NRG1: variants seen among roughly 807,000 people sequenced by gnomAD.
NRG1 encodes the protein neuregulin 1.
A neutral mutation model predicts 63.8 loss-of-function variants in NRG1; 18 were observed. The ratio of observed to expected loss-of-function variants is 0.28; its 90% confidence interval spans 0.19 to 0.42. The LOEUF (loss-of-function observed/expected upper bound fraction) is 0.42, where lower values mean the gene tolerates loss of function less well. Among genes scored for constraint, NRG1 ranks in the 10% least tolerant of loss-of-function variants. The probability of loss-of-function intolerance (pLI) is 1.00; values close to 1 mark genes in which losing one functional copy is unlikely to be tolerated. For missense variants in NRG1, 762 were observed against 814.7 expected (o/e 0.94, Z 0.79); for synonymous variants, 302 against 301.3 (o/e 1.00, Z -0.02).
rs113866439 is a variant in NRG1, at chr8:32,335,843, C to G, written c.38-259985C>G. 1.3e-3 allele frequency among the ~76,000 whole-genome samples: 199 copies of G among 152,204 alleles called. 2 individuals are homozygous for G. Among genetic ancestry groups the G allele is most frequent in the African/African-American group, 4.6e-3 (191 of 41,524 alleles). ...TGTGCTGAGAGGGTCTTGGGTCTCA[C>G]AAAGCAACACACACAGCCAGGTCAT... is the stretch of plus-strand genomic sequence containing the variant. On this transcript the variant is annotated intron_variant, in intron 1 of 10. Transcript: ENST00000519301.
rs140123796 is a variant in NRG1 at position 32,217,890 on chromosome 8, A to G, written c.38-377938A>G. Among the ~76,000 whole-genome samples, 409 of 152,306 alleles carry G rather than the reference A, an allele frequency of 2.7e-3. 4 individuals are homozygous for G. The highest frequency in any genetic ancestry group is 9.5e-3 in the African/African-American group (393 of 41,574). On this transcript the variant is annotated intron_variant, in intron 1 of 10. Coordinates refer to the NRG1 transcript ENST00000519301. ...AGGCTCTGAACTAAGTCTAAAACAG[A>G]TGATCCCTGCCCTTCCAGCTCCCTG... is the stretch of plus-strand genomic sequence containing the variant.
intron 1 of NRG1, among the ~76,000 whole-genome samples, chr8:32,412,443 T>TATATACAC (rs1815188513): frequency 1.8e-5 from 1 of 54,514 alleles, no homozygotes; most frequent in African/African-American, 5.1e-5. Context: ...TATATATATA[T>TATATACAC]ATATATATAC....
At chr8:32,136,748 A>G (rs1190783028) in intron 1 of NRG1, 3 of 152,194 alleles carry the variant, frequency 2.0e-5, no homozygotes, top group African/African-American at 7.2e-5. Context: ...TAAAGTGCCG[A>G]TAGGTAAGCC....
rs11990530 is a variant in NRG1 at position 31,920,482 on chromosome 8, G to T, written c.37+281051G>T. Among the ~76,000 whole-genome samples, 308 of 152,176 alleles carry T rather than the reference G, an allele frequency of 2.0e-3. 2 individuals carry two copies. In the Middle Eastern group the frequency reaches 0.027, roughly 14 times the overall value. On this transcript the variant is annotated intron_variant, in intron 1 of 10. Coordinates refer to the NRG1 transcript ENST00000519301. ...AAAACACATTGAGTTGTCTGGCATG[G>T]TTTCATTGCCAAAAGTTGTGATGTG...
At chr8:31,705,997 A>G (rs1811112877) in intron 1 of NRG1, among the ~76,000 whole-genome samples, 1 of 152,240 alleles carries the variant, frequency 6.6e-6, no homozygotes, top group African/African-American at 2.4e-5. Context: ...AAAATATCTT[A>G]CATCTTCTCA....
chr8:32,701,294 T>C (rs1019795835), intron 5 of NRG1, among the ~76,000 whole-genome samples: 1 of 152,230 alleles, frequency 6.6e-6, no homozygotes, highest in Non-Finnish European at 1.5e-5. Context: ...TCAGACATCT[T>C]TTGCTTCTGA....
chr8:32,652,851 C>T (rs1855426858), intron 5 of NRG1, among the ~76,000 whole-genome samples: 1 of 152,054 alleles, frequency 6.6e-6, no homozygotes, highest in African/African-American at 2.4e-5. Context: ...CATCTGTGTT[C>T]TTCCTCCTTC....
chr8:32,410,564 G>C (rs1372431704), intron 1 of NRG1, among the ~76,000 whole-genome samples: 1 of 152,272 alleles, frequency 6.6e-6, no homozygotes, highest in East Asian at 1.9e-4. Context: ...TCTTAGAAAG[G>C]TGCATGATTC....
At chr8:32,017,763 C>T (rs1344708674) in intron 1 of NRG1, among the ~76,000 whole-genome samples, 1 of 152,192 alleles carries the variant, frequency 6.6e-6, no homozygotes, top group African/African-American at 2.4e-5. Flanking sequence ...AGCTTCCCTC[C>T]TGGGCACACC....
chr8:32,191,168 T>C (rs1461451196), intron 1 of NRG1, among the ~76,000 whole-genome samples: 1 of 151,748 alleles, frequency 6.6e-6, no homozygotes, highest in African/African-American at 2.4e-5. Context: ...CACTGCAACC[T>C]CTGGCTCATG....
At position 32,645,944 on chromosome 8, in the gene NRG1, A is replaced by G. The variant is rs1175554734; in HGVS notation, c.502+29059A>G. Among the ~76,000 whole-genome samples the G allele has an allele frequency of 5.9e-5, 9 of 152,212 alleles. 1 individual carries two copies. Among genetic ancestry groups the G allele is most frequent in the Admixed American group, 5.9e-4 (9 of 15,284 alleles). ...TGAAAGGTAAAGCTCCTGAAACCTAACCCAAAAGGCATGCTCTCATAGAAA... is the reference window on the plus strand; with the variant it reads ...TGAAAGGTAAAGCTCCTGAAACCTAGCCCAAAAGGCATGCTCTCATAGAAA... On this transcript the variant is annotated intron_variant, in intron 5 of 11. Transcript: ENST00000356819.
At chr8:32,023,025 C>T (rs1034263913) in intron 1 of NRG1, among the ~76,000 whole-genome samples, 1 of 152,082 alleles carries the variant, frequency 6.6e-6, no homozygotes, top group Non-Finnish European at 1.5e-5. Context: ...TCTACTGAGA[C>T]GGATGCATAT....
At chr8:32,345,653 AG>A (rs1804786253) in intron 1 of NRG1, among the ~76,000 whole-genome samples, 1 of 152,218 alleles carries the variant, frequency 6.6e-6, no homozygotes. Context: ...TTAAATTAAA[AG>A]TAATACATTC....
At chr8:31,641,813 A>G (rs1803820521) in intron 1 of NRG1, 1 of 152,188 alleles carries the variant, frequency 6.6e-6, no homozygotes, top group Non-Finnish European at 1.5e-5. Flanking sequence ...GAATTTTTAT[A>G]AAACTCAGCA....
At chr8:32,548,775 G>A in exon 1 of NRG1, 2 of 1,590,846 alleles carry the variant, frequency 1.3e-6, no homozygotes, top group Non-Finnish European at 1.7e-6. Flanking sequence ...CAAGAAGAAG[G>A]AGCGAGGCTC....
At chr8:32,442,229 T>C (rs1819641325) in intron 1 of NRG1, among the ~76,000 whole-genome samples, 1 of 152,184 alleles carries the variant, frequency 6.6e-6, no homozygotes, top group African/African-American at 2.4e-5. Context: ...GTGTTTGCTT[T>C]TCTCCACCTA....
chr8:31,881,698 T>C (rs1200635150), intron 1 of NRG1, among the ~76,000 whole-genome samples: 2 of 152,312 alleles, frequency 1.3e-5, no homozygotes, highest in South Asian at 2.1e-4. Flanking sequence ...CTTTAGCGAA[T>C]ACACAAATGA....
chr8:32,482,398 T>G (rs1009208003), intron 1 of NRG1, among the ~76,000 whole-genome samples: 2 of 148,220 alleles, frequency 1.3e-5, no homozygotes, highest in Non-Finnish European at 3.0e-5. Context: ...CTTTCTACTT[T>G]TGTGTGTGTG....
chr8:32,513,469 A>T (rs1829462483), intron 1 of NRG1, among the ~76,000 whole-genome samples: 1 of 151,592 alleles, frequency 6.6e-6, no homozygotes, highest in South Asian at 2.1e-4. Flanking sequence ...TTGTCACTTT[A>T]CACAAAAGGC....
Sources: allele counts gnomAD v4.1 joint callset (sites outside exome capture counted in the v4.1 genomes callset), GRCh38; gene constraint gnomAD v4.1.1; transcripts MANE v1.5; gene names NCBI Gene and HGNC (gene_info 2026-07-23, HGNC 2026-07-21).